Variants in TTC4 observed in about 807,000 individuals in gnomAD.
TTC4 encodes tetratricopeptide repeat domain 4.
A neutral mutation model predicts 51.9 loss-of-function variants in TTC4; 36 were observed. The ratio of observed to expected loss-of-function variants is 0.69; its 90% CI spans 0.53 to 0.92. TTC4 has a LOEUF of 0.92. Ranked by LOEUF, TTC4 falls within the 40% of genes least tolerant of loss-of-function variation. TTC4 has a pLI of 0.00. For missense variants in TTC4, 399 were observed against 454.6 expected, an observed-to-expected ratio of 0.88 and a Z score of 1.11; for synonymous variants, 144 against 164.2, an observed-to-expected ratio of 0.88 and a Z score of 0.94.
chr1:54,731,317 G>A (rs918029469), intron 6 of TTC4, among the ~76,000 whole-genome samples, 169 bp from the exon 7 acceptor site: 11 of 152,086 alleles, frequency 7.2e-5, no homozygotes, highest in Admixed American at 6.5e-5. Flanking sequence ...AAAGTTAGTC[G>A]TGCAGCCTGG....
chr1:54,721,566 A>G (rs1356101977), intron 4 of TTC4, among the ~76,000 whole-genome samples: 1 of 152,244 alleles, frequency 6.6e-6, no homozygotes, highest in Non-Finnish European at 1.5e-5. Context: ...ATGTTAATTA[A>G]AAGATAAGTT....
In TTC4 at chr1:54,738,590, G is replaced by A. The variant is rs75992264; in HGVS notation, c.1061+926G>A. Among the ~76,000 whole-genome samples the A allele has an allele frequency of 0.012, 1,778 of 151,962 alleles. 96 individuals carry two copies. In the East Asian group the frequency reaches 0.14, roughly 12 times the overall value. On this transcript the variant is annotated intron_variant, in intron 9 of 9. Transcript: ENST00000371281. ...ACAGCCATAACACTCCAGACCAGGG[G>A]AGATAAATAGGACTGGTCTTTGAAG... is the stretch of plus-strand genomic sequence containing the variant.
At position 54,741,627 on chromosome 1, in the gene TTC4, G is replaced by A; in HGVS notation, c.*114G>A. 2 of 885,652 alleles carry A rather than the reference G, an allele frequency of 2.3e-6. No individual in the cohort carries two copies. The highest frequency in any genetic ancestry group is 3.6e-6 in the Non-Finnish European group (2 of 553,506). 54.9% of individuals were successfully genotyped at this position (885,652 alleles called of 1,614,324 possible). A position where few individuals can be genotyped will look rare whatever the true frequency, so the allele number is the denominator to read the frequency against. ...AGTGCTTTCTTTCCGTCACCCTGGG[G>A]ATAGTCCTTCCTGGCATCGTGGTGG... On this transcript the variant is annotated 3_prime_UTR_variant, in exon 10 of 10. Transcript: ENST00000371281.
At chr1:54,726,188 CAA>C (rs1645796980) in intron 5 of TTC4, among the ~76,000 whole-genome samples, 1 of 151,998 alleles carries the variant, frequency 6.6e-6, no homozygotes. Context: ...TGTTGAAAAA[CAA>C]AGAAGAGAAC....
intron 3 of TTC4, among the ~76,000 whole-genome samples, chr1:54,717,953 AATG>A (rs1645695700): frequency 6.6e-6 from 1 of 152,164 alleles, no homozygotes; most frequent in African/African-American, 2.4e-5. Context: ...TCTCTCAAAA[AATG>A]TGTTTTTCTG....
chr1:54,741,230 T>C (rs772175960), intron 9 of TTC4, among the ~76,000 whole-genome samples, 181 bp from the exon 10 acceptor site: 2 of 152,224 alleles, frequency 1.3e-5, no homozygotes, highest in Non-Finnish European at 2.9e-5. Flanking sequence ...CTGGCTAGGT[T>C]GTAAGGATGA....
At position 54,729,433 on chromosome 1, in the gene TTC4, A is replaced by T. The variant is rs181104455; in HGVS notation, c.681+1001A>T. 4.1e-3 allele frequency among the ~76,000 whole-genome samples: 621 copies of T among 152,234 alleles called. 4 individuals carry two copies. Among genetic ancestry groups the T allele is most frequent in the Non-Finnish European group, 6.7e-3 (457 of 68,006 alleles). On this transcript the variant is annotated intron_variant, in intron 6 of 9. Coordinates refer to ENST00000371281, the MANE Select transcript of TTC4 (RefSeq NM_004623.5). ...TTGTCTTGCTTCTGTTTTTTTGGAT[A>T]ATAGTTTCAGAGAGGTGAAGAAACC... is the stretch of plus-strand genomic sequence containing the variant.
At chr1:54,733,752 T>C in intron 8 of TTC4, 42 bp downstream of exon 8, 1 of 208,740 alleles carries the variant, frequency 4.8e-6, no homozygotes, top group Non-Finnish European at 6.0e-6. Context: ...AATTAATTTT[T>C]TTTTTTTTTT....
intron 3 of TTC4, among the ~76,000 whole-genome samples, chr1:54,718,261 T>A (rs1230857301): frequency 1.3e-5 from 2 of 152,074 alleles, no homozygotes; most frequent in Non-Finnish European, 1.5e-5. Context: ...TAGTCCTAGC[T>A]ACTTGGGAGG....
rs1000889200 is a variant in TTC4, at chr1:54,737,433, C to T, written c.979-149C>T. 6.5e-6 allele frequency: 4 copies of T among 612,968 alleles called. No homozygotes were observed. In the African/African-American group the frequency reaches 7.4e-5, roughly 11 times the overall value. The allele number at this position is 612,968 out of a possible 1,614,324, so 38.0% of individuals were successfully genotyped here. A position where few individuals can be genotyped will look rare whatever the true frequency, so the allele number is the denominator to read the frequency against. On this transcript the variant is annotated intron_variant, in intron 8 of 9. Coordinates refer to ENST00000371281, the MANE Select transcript of TTC4 (RefSeq NM_004623.5). ...TTTACAGTGGCATGGCGGGGGGGTA[C>T]TAAATGCAAAGCACCCAGCTACACA... is the stretch of plus-strand genomic sequence containing the variant.
chr1:54,717,639 C>T lies in TTC4; in HGVS notation c.377C>T (p.Ala126Val), dbSNP rs758304146. Residue 126 changes from alanine (A) to valine (V), a missense_variant, in exon 3 of 10, where the codon GCA becomes GTA. Around this residue, in one of 3 missense-constraint regions of TTC4, gnomAD observed 316 missense variants for 349.6 expected, o/e 0.90. Transcript: ENST00000371281. ...NAVLYTNRAA[A>V]QYYLGNFRSA... ...GTCCTTTATACCAACCGGGCAGCAG[C>T]ACAGTACTATCTGGGTAATTTATAA... The T allele has an allele frequency of 9.4e-6, 15 of 1,593,354 alleles. No individual in the cohort carries two copies. The highest frequency in any genetic ancestry group is 8.5e-6 in the Non-Finnish European group (10 of 1,172,244).
At chr1:54,734,813 T>C (rs905844168) in intron 8 of TTC4, among the ~76,000 whole-genome samples, 10 of 152,222 alleles carry the variant, frequency 6.6e-5, no homozygotes, top group Admixed American at 2.0e-4. Context: ...TGCCAGCTGA[T>C]GTCCCATTAC....
In TTC4 at chr1:54,736,239, G is replaced by GTA. The variant is rs1557753081; in HGVS notation, c.979-1343_979-1342insTA. Among the ~76,000 whole-genome samples the GTA allele has an allele frequency of 4.4e-4, 52 of 119,196 alleles. 1 individual carries two copies. The highest frequency in any genetic ancestry group is 2.2e-3 in the African/African-American group (49 of 22,562). The allele number at this position is 119,196 out of a possible 152,430, so 78.2% of individuals were successfully genotyped here. ...GAGAGAGAGAAGAGGAGAGGAGAGA[G>GTA]AAGAGAGGAGAGAGGAGAGAGAGAG... On this transcript the variant is annotated intron_variant, in intron 8 of 9. Coordinates refer to ENST00000371281, the MANE Select transcript of TTC4 (RefSeq NM_004623.5).
intron 5 of TTC4, among the ~76,000 whole-genome samples, chr1:54,724,835 A>G (rs1296309201): frequency 6.6e-6 from 1 of 152,228 alleles, no homozygotes; most frequent in Non-Finnish European, 1.5e-5. Context: ...CATAAAATCA[A>G]TGAGGAAACT....
chr1:54,727,055 CAA>C (rs56739564), intron 5 of TTC4, among the ~76,000 whole-genome samples: 41 of 102,898 alleles, frequency 4.0e-4, no homozygotes, highest in African/African-American at 5.7e-4. Context: ...TCATGAAAGA[CAA>C]AAAAAAAAAA....
At chr1:54,723,347 C>T (rs10888872) in intron 5 of TTC4, among the ~76,000 whole-genome samples, 14,053 of 152,184 alleles carry the variant, frequency 0.092, 919 homozygotes, top group South Asian at 0.19. Flanking sequence ...AATGGAGACA[C>T]GTCTTGTCCA....
chr1:54,733,426 AAAAAT>A (rs977283076), intron 7 of TTC4, among the ~76,000 whole-genome samples, 198 bp from the exon 8 acceptor site: 1,503 of 135,328 alleles, frequency 0.011, 18 homozygotes, highest in African/African-American at 0.045. Context: ...CTCAAAAAAA[AAAAAT>A]AAAATAAAAT....
Position 54,731,621 on chromosome 1 carries a change from A to G in TTC4, c.817A>G (p.Arg273Gly), listed in dbSNP as rs1040774293. The stretch of plus-strand genomic sequence containing the variant: ...CAGGCTGAGTCTAGATGGCCAGGGC[A>G]GGCTGAGCTGGCCTGTGCTCTTTCT... ...GARLSLDGQGRLSWPVLFLYP... is the reference protein window; with the variant it reads ...GARLSLDGQGGLSWPVLFLYP... The change falls in exon 7 of 10, where the codon AGG becomes GGG. Residue 273 changes from arginine (R) to glycine (G), a missense_variant. Coordinates refer to ENST00000371281, the MANE Select transcript of TTC4 (RefSeq NM_004623.5). 6 of 1,614,008 alleles carry G rather than the reference A, an allele frequency of 3.7e-6. No individual in the cohort carries two copies. In the Admixed American group the frequency reaches 5.0e-5, roughly 13 times the overall value.
intron 5 of TTC4, among the ~76,000 whole-genome samples, chr1:54,727,341 A>T (rs1645812263): frequency 6.6e-6 from 1 of 152,220 alleles, no homozygotes; most frequent in Admixed American, 6.5e-5. Context: ...CTCATACTAT[A>T]TAAAAAAGTT....
Sources: gnomAD v4.1 joint callset for allele counts (sites outside exome capture counted in the v4.1 genomes callset) on GRCh38, gnomAD v4.1.1 for gene constraint, gnomAD v4.1.1 regional missense constraint, MANE v1.5 for transcripts, NCBI Gene and HGNC (gene_info 2026-07-23, HGNC 2026-07-21) for gene names.